GRM8: variants seen among roughly 807,000 people sequenced by gnomAD.
The protein encoded by GRM8 is glutamate metabotropic receptor 8, also known as metabotropic glutamate receptor 8.
GRM8 carries 47 observed loss-of-function variants against 87.2 expected under a neutral mutation model. The ratio of observed to expected loss-of-function variants is 0.54; its 90% CI spans 0.43 to 0.69. GRM8 has a LOEUF of 0.69. Among genes scored for constraint, GRM8 ranks in the 30% least tolerant of loss-of-function variants. The pLI, the probability that GRM8 is intolerant of heterozygous loss-of-function variation, is 0.00. For missense variants in GRM8, 1,019 were observed against 1,139.2 expected, an observed-to-expected ratio of 0.89 and a Z score of 1.52; for synonymous variants, 396 against 404.5, an observed-to-expected ratio of 0.98 and a Z score of 0.25.
intron 9 of GRM8, chr7:126,447,023 T>A (rs1475879211): frequency 6.6e-6 from 1 of 152,050 alleles, no homozygotes; most frequent in African/African-American, 2.4e-5. Flanking sequence ...TAAGATCTCC[T>A]CCCTCCAAGA....
In GRM8 at chr7:127,018,046, C is replaced by A. The variant is rs955714924; in HGVS notation, c.727+88450G>T. Reference sequence around the variant, plus strand: ...ATATACAGATTCAAAGTAAATATGGCCGCTGGCCTCAAGGAATTTATAGCC... The same window carrying A: ...ATATACAGATTCAAAGTAAATATGGACGCTGGCCTCAAGGAATTTATAGCC... On this transcript the variant is annotated intron_variant, in intron 3 of 10. Coordinates refer to ENST00000339582, the MANE Select transcript of GRM8 (RefSeq NM_000845.3). Among the ~76,000 whole-genome samples the A allele has an allele frequency of 5.9e-5, 9 of 152,142 alleles. No individual in the cohort carries two copies. The East Asian group carries it at 1.7e-3, about 29-fold the overall frequency.
chr7:126,897,114 CGTT>C (rs1801618642), intron 6 of GRM8, among the ~76,000 whole-genome samples: 1 of 152,090 alleles, frequency 6.6e-6, no homozygotes, highest in African/African-American at 2.4e-5. Flanking sequence ...CAAGGGATGT[CGTT>C]TTGATAAGCA....
intron 8 of GRM8, among the ~76,000 whole-genome samples, chr7:126,569,236 T>G (rs182933514): frequency 6.6e-5 from 10 of 152,288 alleles, no homozygotes; most frequent in Admixed American, 5.9e-4. Flanking sequence ...ACTCTAGTTT[T>G]GTTTTGTATT....
At chr7:127,126,856 G>T (rs182563293) in intron 2 of GRM8, among the ~76,000 whole-genome samples, 3 of 151,940 alleles carry the variant, frequency 2.0e-5, no homozygotes, top group Admixed American at 1.3e-4. Flanking sequence ...CTTTTACCAA[G>T]AATTTTTAAA....
At chr7:126,960,929 G>A (rs1809251364) in intron 3 of GRM8, among the ~76,000 whole-genome samples, 1 of 152,090 alleles carries the variant, frequency 6.6e-6, no homozygotes, top group Admixed American at 6.6e-5. Context: ...CCCACCTTCA[G>A]GAGACACCTC....
At chr7:126,693,806 T>C (rs551224496) in intron 7 of GRM8, among the ~76,000 whole-genome samples, 1 of 152,204 alleles carries the variant, frequency 6.6e-6, no homozygotes, top group African/African-American at 2.4e-5. Context: ...TTCTTATCAA[T>C]CCAAAATATT....
chr7:126,477,595 G>GA (rs375479444), intron 9 of GRM8, among the ~76,000 whole-genome samples: 8,117 of 56,728 alleles, frequency 0.14, 752 homozygotes, highest in African/African-American at 0.29. Flanking sequence ...AAGAAAGAAA[G>GA]AAAGAAAGAA....
At chr7:127,034,094 G>A (rs1029850534) in intron 3 of GRM8, among the ~76,000 whole-genome samples, 1 of 152,128 alleles carries the variant, frequency 6.6e-6, no homozygotes, top group African/African-American at 2.4e-5. Flanking sequence ...AAACTACACA[G>A]TGATATCACT....
chr7:126,584,319 G>C (rs1022927049), intron 8 of GRM8, among the ~76,000 whole-genome samples: 3 of 152,030 alleles, frequency 2.0e-5, no homozygotes, highest in Non-Finnish European at 4.4e-5. Context: ...CCATCTCCTG[G>C]GTTCAAGCCA....
chr7:126,539,933 CA>C (rs994840371), intron 8 of GRM8, among the ~76,000 whole-genome samples: 7 of 151,086 alleles, frequency 4.6e-5, no homozygotes, highest in African/African-American at 1.7e-4. Flanking sequence ...GCAACAACAA[CA>C]AAAAAAATAA....
intron 3 of GRM8, among the ~76,000 whole-genome samples, chr7:126,967,657 C>A (rs1257770859): frequency 6.6e-6 from 1 of 152,078 alleles, no homozygotes; most frequent in Admixed American, 6.6e-5. Flanking sequence ...AATGCAAATG[C>A]TTCTTCAAAA....
At chr7:127,076,157 C>A in intron 3 of GRM8, 2 of 456,470 alleles carry the variant, frequency 4.4e-6, no homozygotes, top group Non-Finnish European at 8.8e-6. Context: ...GCATTAGAAG[C>A]AGAAATTGGT....
intron 9 of GRM8, among the ~76,000 whole-genome samples, chr7:126,491,119 G>C (rs1331149036): frequency 1.3e-5 from 2 of 152,012 alleles, no homozygotes; most frequent in East Asian, 3.9e-4. Context: ...TATCCACCAT[G>C]ATGTCTGAGG....
chr7:127,168,326 G>A (rs975824401), intron 2 of GRM8, among the ~76,000 whole-genome samples: 4 of 152,124 alleles, frequency 2.6e-5, no homozygotes, highest in Non-Finnish European at 5.9e-5. Context: ...ACGCTAGGTA[G>A]AATGGTGATC....
At chr7:127,042,422 G>A (rs770399740) in intron 3 of GRM8, among the ~76,000 whole-genome samples, 5 of 152,204 alleles carry the variant, frequency 3.3e-5, no homozygotes, top group African/African-American at 4.8e-5. Context: ...AGGTGCAATC[G>A]GTGATAAGGT....
In GRM8 at chr7:126,553,969, T is replaced by C. The variant is rs1792869370; in HGVS notation, c.1495-20082A>G. ...AAATGGGATTTGCTCCCAATGTTCA[T>C]GGTACTCTTTTGTACTTTATTTTAT... On this transcript the variant is annotated intron_variant, in intron 8 of 10. Coordinates refer to ENST00000339582, the MANE Select transcript of GRM8 (RefSeq NM_000845.3). 1.3e-5 allele frequency among the ~76,000 whole-genome samples: 2 copies of C among 152,210 alleles called. 1 individual carries two copies. The highest frequency in any genetic ancestry group is 4.1e-4 in the South Asian group (2 of 4,832).
intron 3 of GRM8, among the ~76,000 whole-genome samples, chr7:126,953,896 G>A (rs997138785): frequency 4.6e-5 from 7 of 152,060 alleles, no homozygotes; most frequent in African/African-American, 7.2e-5. Flanking sequence ...TTCATTTACT[G>A]ACAACACCAG....
intron 8 of GRM8, among the ~76,000 whole-genome samples, chr7:126,563,879 GT>G (rs1324277342): frequency 6.6e-6 from 1 of 152,214 alleles, no homozygotes; most frequent in African/African-American, 2.4e-5. Context: ...ATGTGTGAAA[GT>G]GTACATTAAC....
chr7:127,076,600 C>T (rs1052904397), intron 3 of GRM8, among the ~76,000 whole-genome samples: 1 of 152,174 alleles, frequency 6.6e-6, no homozygotes, highest in East Asian at 1.9e-4. Flanking sequence ...CCAATGACGA[C>T]ACCCAGATCT....
Sources: gnomAD v4.1 joint callset for allele counts (sites outside exome capture counted in the v4.1 genomes callset) on GRCh38, gnomAD v4.1.1 for gene constraint, MANE v1.5 for transcripts, NCBI Gene and HGNC (gene_info 2026-07-23, HGNC 2026-07-21) for gene names.